Variants in PPM1B observed in about 807,000 individuals in gnomAD.
The protein encoded by PPM1B is protein phosphatase, Mg2+/Mn2+ dependent 1B.
A neutral mutation model predicts 43.0 loss-of-function variants in PPM1B; 22 were observed. That is an observed-to-expected ratio of 0.51 (90% CI 0.37 to 0.73). The LOEUF (loss-of-function observed/expected upper bound fraction) is 0.73. Among genes scored for constraint, PPM1B ranks in the 30% least tolerant of loss-of-function variants. The pLI is 0.00. For synonymous variants in PPM1B, 217 were observed against 197.9 expected, an observed-to-expected ratio of 1.10 and a Z score of -0.81; for missense variants, 632 against 584.2, an observed-to-expected ratio of 1.08 and a Z score of -0.84.
At chr2:44,181,987 T>C (rs1056489056) in intron 1 of PPM1B, among the ~76,000 whole-genome samples, 5 of 152,196 alleles carry the variant, frequency 3.3e-5, no homozygotes, top group African/African-American at 1.2e-4. Flanking sequence ...TGAGAGTGTT[T>C]TGAAAGTCAA....
intron 1 of PPM1B, among the ~76,000 whole-genome samples, chr2:44,191,282 C>T (rs764169378): frequency 2.0e-5 from 3 of 152,062 alleles, no homozygotes; most frequent in Non-Finnish European, 2.9e-5. Flanking sequence ...GGAGTGATCT[C>T]GGCTCACTGC....
At chr2:44,235,673 A>T (rs1200700509), downstream of PPM1B, among the ~76,000 whole-genome samples, 1 of 150,796 alleles carries the variant, frequency 6.6e-6, no homozygotes, top group Non-Finnish European at 1.5e-5. Flanking sequence ...AAGCAGGAGG[A>T]TTGCTTGAGG....
intron 3 of PPM1B, among the ~76,000 whole-genome samples, chr2:44,210,103 G>A (rs886298146): frequency 3.3e-5 from 5 of 151,908 alleles, no homozygotes; most frequent in African/African-American, 1.2e-4. Context: ...CCCTTTTCGG[G>A]TTAATTATCA....
downstream of PPM1B, chr2:44,234,424 C>G (rs886570895): frequency 3.6e-6 from 2 of 556,634 alleles, no homozygotes; most frequent in African/African-American, 4.2e-5. Context: ...GAGGCTGAGG[C>G]AGAAGAATTG....
At chr2:44,179,680 T>A (rs1667768155) in intron 1 of PPM1B, among the ~76,000 whole-genome samples, 1 of 152,196 alleles carries the variant, frequency 6.6e-6, no homozygotes. Context: ...TAGATTTAGA[T>A]GTTAGTGTGT....
intron 5 of PPM1B, among the ~76,000 whole-genome samples, chr2:44,223,653 C>CA (rs570141669): frequency 3.9e-4 from 59 of 149,926 alleles, no homozygotes; most frequent in African/African-American, 6.6e-4. Flanking sequence ...ACTAAAAATA[C>CA]AAAAAAAACA....
chr2:44,234,275 C>G, downstream of PPM1B: 2 of 923,152 alleles, frequency 2.2e-6, no homozygotes, highest in Non-Finnish European at 2.6e-6. Context: ...AATCCCAGCA[C>G]TTTGGGAGGC....
rs186358291 is a variant in PPM1B at position 44,230,292 on chromosome 2, C to G, written c.1135-121C>G. ...AAGAATTGATATTTAATAAAATGTTCTCATGCTTAGACTATATTACTTTTC... is the reference window on the plus strand; with the variant it reads ...AAGAATTGATATTTAATAAAATGTTGTCATGCTTAGACTATATTACTTTTC... On this transcript the variant is annotated intron_variant, in intron 5 of 5. Coordinates refer to ENST00000282412, the MANE Select transcript of PPM1B (RefSeq NM_002706.6). 38 of 1,498,356 alleles carry G rather than the reference C, an allele frequency of 2.5e-5. 1 individual carries two copies. In the East Asian group the frequency reaches 5.2e-4, roughly 21 times the overall value. 92.8% of individuals were successfully genotyped at this position (1,498,356 alleles called of 1,614,324 possible).
chr2:44,210,927 A>G (rs1669433891), intron 3 of PPM1B, among the ~76,000 whole-genome samples: 1 of 152,070 alleles, frequency 6.6e-6, no homozygotes, highest in South Asian at 2.1e-4. Context: ...CACGAGGTCA[A>G]GAGTTGGAGA....
downstream of PPM1B, chr2:44,232,551 A>AT (rs1250787061): frequency 2.8e-6 from 4 of 1,406,940 alleles, no homozygotes; most frequent in African/African-American, 1.5e-5. Context: ...GTACTACAGT[A>AT]TTTTTTGCCA....
At chr2:44,214,600 C>T (rs923972026) in intron 3 of PPM1B, among the ~76,000 whole-genome samples, 4 of 152,020 alleles carry the variant, frequency 2.6e-5, no homozygotes, top group Admixed American at 6.6e-5. Context: ...AAGGGAGTGT[C>T]AGTGGATGGA....
At chr2:44,190,872 G>A (rs1668375495) in intron 1 of PPM1B, among the ~76,000 whole-genome samples, 1 of 152,188 alleles carries the variant, frequency 6.6e-6, no homozygotes. Flanking sequence ...CAATTATTGT[G>A]TTGAAATAAG....
chr2:44,235,666 CAGG>C (rs1175837009), downstream of PPM1B, among the ~76,000 whole-genome samples: 2 of 145,506 alleles, frequency 1.4e-5, no homozygotes, highest in Non-Finnish European at 3.0e-5. Context: ...TGTAATAAAG[CAGG>C]AGGATTGCTT....
intron 2 of PPM1B, among the ~76,000 whole-genome samples, chr2:44,202,504 C>G (rs1473416117): frequency 2.0e-5 from 3 of 152,134 alleles, no homozygotes; most frequent in Non-Finnish European, 2.9e-5. Context: ...GCAGTGAAGA[C>G]AAAAACTGAA....
downstream of PPM1B, chr2:44,233,707 C>T (rs1217950901): frequency 3.0e-6 from 3 of 985,734 alleles, no homozygotes; most frequent in Non-Finnish European, 3.6e-6. Flanking sequence ...GAAGCTGTTT[C>T]TGGAGAGCCA....
At chr2:44,228,980 C>T (rs1239517024) in intron 5 of PPM1B, among the ~76,000 whole-genome samples, 7 of 151,960 alleles carry the variant, frequency 4.6e-5, no homozygotes, top group East Asian at 1.9e-4. Context: ...GTTGGGAGTT[C>T]GAGACCAGCC....
chr2:44,190,002 T>C (rs1238919180), intron 1 of PPM1B, among the ~76,000 whole-genome samples: 1 of 152,230 alleles, frequency 6.6e-6, no homozygotes, highest in Admixed American at 6.5e-5. Context: ...TTTTATCATG[T>C]GGATTATATC....
At chr2:44,177,096 G>A (rs1667617266) in intron 1 of PPM1B, among the ~76,000 whole-genome samples, 3 of 152,084 alleles carry the variant, frequency 2.0e-5, no homozygotes, top group Admixed American at 1.3e-4. Flanking sequence ...CATTTTTAAT[G>A]TATTTTTGTA....
At chr2:44,221,171 A>G (rs982085133) in intron 5 of PPM1B, among the ~76,000 whole-genome samples, 1 of 152,248 alleles carries the variant, frequency 6.6e-6, no homozygotes, top group Admixed American at 6.5e-5. Context: ...TACAGAGACC[A>G]AATGGTAACT....
Sources: allele counts gnomAD v4.1 joint callset (sites outside exome capture counted in the v4.1 genomes callset), GRCh38; gene constraint gnomAD v4.1.1; transcripts MANE v1.5; gene names NCBI Gene and HGNC (gene_info 2026-07-23, HGNC 2026-07-21).